The following BMERB1 variants were observed in gnomAD, a reference collection of about 807,000 sequenced individuals.
The protein encoded by BMERB1 is bMERB domain-containing protein 1.
Under a neutral mutation model 23.6 loss-of-function variants are expected in BMERB1, and 12 were observed. The observed-to-expected ratio is 0.51, with a 90% CI of 0.33 to 0.82. The LOEUF is 0.82. BMERB1 is among the 40% of genes least tolerant of loss of function. The pLI, the probability that BMERB1 is intolerant of heterozygous loss-of-function variation, is 0.03. For missense variants in BMERB1, 247 were observed against 255.4 expected, an observed-to-expected ratio of 0.97 and a Z score of 0.22; for synonymous variants, 122 against 96.6, an observed-to-expected ratio of 1.26 and a Z score of -1.54.
chr16:15,565,046 T>G (rs1357088250), intron 2 of BMERB1, among the ~76,000 whole-genome samples: 1 of 151,560 alleles, frequency 6.6e-6, no homozygotes, highest in African/African-American at 2.4e-5. Context: ...TTTATATTCC[T>G]TTATGCAAAA....
rs1409024898 is a variant in BMERB1, at chr16:15,586,783, C to T, written c.569C>T (p.Ala190Val). 1 of 1,612,520 alleles carries T rather than the reference C, an allele frequency of 6.2e-7. No individual in the cohort carries two copies. Among genetic ancestry groups the T allele is most frequent in the Non-Finnish European group, 8.5e-7 (1 of 1,179,552 alleles). ...SKPTVAKTGL[A>V]LIKDCCGATQ... ...CCCACGGTGGCCAAGACGGGGCTGG[C>T]ACTGATCAAGGATTGTTGCGGGGCC... Residue 190 changes from alanine to valine, a missense_variant, in exon 6 of 6, where the codon GCA (alanine) becomes GTA (valine). By Grantham distance (64) the Ala-to-Val change is moderately conservative. Transcript: ENST00000300006.
intron 1 of BMERB1, among the ~76,000 whole-genome samples, chr16:15,488,973 G>A (rs1385420794): frequency 2.0e-5 from 3 of 151,274 alleles, no homozygotes; most frequent in Non-Finnish European, 4.4e-5. Context: ...TGAGGCAGGA[G>A]TCCAAAGTCT....
intron 1 of BMERB1, among the ~76,000 whole-genome samples, chr16:15,443,630 A>G (rs1402473387): frequency 6.6e-6 from 1 of 151,942 alleles, no homozygotes; most frequent in Non-Finnish European, 1.5e-5. Flanking sequence ...GAAAAGTACA[A>G]GTGTGGGCCA....
At chr16:15,437,417 C>A (rs1202443594) in intron 1 of BMERB1, among the ~76,000 whole-genome samples, 1 of 152,096 alleles carries the variant, frequency 6.6e-6, no homozygotes, top group Non-Finnish European at 1.5e-5. Flanking sequence ...GTTAAGTGCT[C>A]AATACGTATT....
chr16:15,512,038 A>AAAAAG (rs1555509799), intron 1 of BMERB1, among the ~76,000 whole-genome samples: 1 of 148,408 alleles, frequency 6.7e-6, no homozygotes, highest in Non-Finnish European at 1.5e-5. Context: ...AAAAAAAAAA[A>AAAAAG]GGGGGAATTG....
At chr16:15,518,551 C>G (rs1455025698) in intron 2 of BMERB1, among the ~76,000 whole-genome samples, 2 of 152,220 alleles carry the variant, frequency 1.3e-5, no homozygotes, top group Non-Finnish European at 2.9e-5. Flanking sequence ...CCTCAGCCCT[C>G]CAGGCCAACA....
chr16:15,510,917 G>T (rs1403380605), intron 1 of BMERB1, among the ~76,000 whole-genome samples: 4 of 152,144 alleles, frequency 2.6e-5, no homozygotes, highest in Middle Eastern at 3.4e-3. Context: ...GGTCACACTG[G>T]TCTCGAACTC....
At chr16:15,468,259 C>T (rs1279272381) in intron 1 of BMERB1, among the ~76,000 whole-genome samples, 3 of 150,480 alleles carry the variant, frequency 2.0e-5, no homozygotes, top group Middle Eastern at 3.2e-3. Context: ...GATCCTCCCA[C>T]CTCAACCTTC....
chr16:15,567,857 A>G (rs886467540), intron 2 of BMERB1, 126 bp from the exon 3 acceptor site: 24 of 748,940 alleles, frequency 3.2e-5, no homozygotes, highest in Non-Finnish European at 5.2e-5. Context: ...AACCTCTACA[A>G]TGAGCATGTA....
chr16:15,434,829 G>A (rs1382692239), intron 1 of BMERB1, 70 bp downstream of exon 1: 2 of 1,353,888 alleles, frequency 1.5e-6, no homozygotes, highest in African/African-American at 1.5e-5. Context: ...GGGTGGTCGC[G>A]GGAGCGCGAG....
At chr16:15,472,860 CTTTTTTT>C (rs34677062) in intron 1 of BMERB1, among the ~76,000 whole-genome samples, 1 of 133,850 alleles carries the variant, frequency 7.5e-6, no homozygotes, top group Non-Finnish European at 1.6e-5. Flanking sequence ...AGGATTCCAT[CTTTTTTT>C]TTTTTTTTTT....
intron 1 of BMERB1, among the ~76,000 whole-genome samples, chr16:15,510,466 G>A (rs1188886367): frequency 6.6e-6 from 1 of 152,156 alleles, no homozygotes; most frequent in African/African-American, 2.4e-5. Context: ...CGGTCATAAC[G>A]AGGGCAATTG....
chr16:15,477,029 C>T (rs756761318), intron 1 of BMERB1, among the ~76,000 whole-genome samples: 5 of 152,120 alleles, frequency 3.3e-5, no homozygotes, highest in Admixed American at 1.3e-4. Flanking sequence ...GAGAGTCCAA[C>T]GTGGGAGGAT....
intron 1 of BMERB1, among the ~76,000 whole-genome samples, chr16:15,466,405 C>A (rs1039558636): frequency 6.6e-6 from 1 of 151,954 alleles, no homozygotes; most frequent in African/African-American, 2.4e-5. Context: ...TGAGGTCGTA[C>A]CCTTTTGCCC....
chr16:15,575,988 C>A (rs1464473169), intron 3 of BMERB1, among the ~76,000 whole-genome samples: 3 of 151,704 alleles, frequency 2.0e-5, no homozygotes, highest in Non-Finnish European at 2.9e-5. Flanking sequence ...AGGTTCCCTG[C>A]CTCCAGACCA....
chr16:15,459,590 C>A (rs1463900484), intron 1 of BMERB1, among the ~76,000 whole-genome samples: 1 of 152,112 alleles, frequency 6.6e-6, no homozygotes, highest in African/African-American at 2.4e-5. Flanking sequence ...TGTCCAATAA[C>A]AAGAGTAGAA....
intron 1 of BMERB1, among the ~76,000 whole-genome samples, chr16:15,478,299 T>G (rs2051290005): frequency 6.6e-6 from 1 of 152,064 alleles, no homozygotes; most frequent in African/African-American, 2.4e-5. Flanking sequence ...AGCTGGGATT[T>G]ACAGGCACAC....
chr16:15,479,457 A>G (rs2051301328), intron 1 of BMERB1, among the ~76,000 whole-genome samples: 1 of 152,188 alleles, frequency 6.6e-6, no homozygotes, highest in Non-Finnish European at 1.5e-5. Flanking sequence ...TTGCAAGTAA[A>G]CCTTAAAAAT....
intron 3 of BMERB1, among the ~76,000 whole-genome samples, chr16:15,578,783 G>A (rs1379116945): frequency 6.6e-6 from 1 of 152,142 alleles, no homozygotes; most frequent in Admixed American, 6.5e-5. Context: ...CCATTCATGA[G>A]GGTTCTACCT....
Sources: gnomAD v4.1 joint callset for allele counts (sites outside exome capture counted in the v4.1 genomes callset) on GRCh38, gnomAD v4.1.1 for gene constraint, MANE v1.5 for transcripts, NCBI Gene and HGNC (gene_info 2026-07-23, HGNC 2026-07-21) for gene names.